Variants in TTC27 observed in about 807,000 individuals in gnomAD.
TTC27 encodes tetratricopeptide repeat domain 27.
TTC27 carries 79 observed loss-of-function variants against 115.9 expected under a neutral mutation model. The ratio of observed to expected loss-of-function variants is 0.68; its 90% CI spans 0.57 to 0.82. The LOEUF is 0.82. TTC27 is among the 40% of genes least tolerant of loss of function. The pLI, the probability that TTC27 is intolerant of heterozygous loss-of-function variation, is 0.00. For synonymous variants in TTC27, 401 were observed against 356.0 expected, an observed-to-expected ratio of 1.13 and a Z score of -1.42; for missense variants, 1,054 against 993.1, an observed-to-expected ratio of 1.06 and a Z score of -0.82.
intron 12 of TTC27, among the ~76,000 whole-genome samples, chr2:32,751,396 G>A (rs1669010567): frequency 6.6e-6 from 1 of 152,108 alleles, no homozygotes; most frequent in Non-Finnish European, 1.5e-5. Flanking sequence ...TTAATGAGAA[G>A]AGTATGTACG....
At chr2:32,628,657 A>G (rs1201005475) in intron 1 of TTC27, among the ~76,000 whole-genome samples, 1 of 152,172 alleles carries the variant, frequency 6.6e-6, no homozygotes, top group Admixed American at 6.5e-5. Context: ...CTTATAGTAG[A>G]TACTTAAGGT....
At chr2:32,753,946 A>G (rs892262536) in intron 12 of TTC27, among the ~76,000 whole-genome samples, 1 of 151,780 alleles carries the variant, frequency 6.6e-6, no homozygotes, top group Admixed American at 6.6e-5. Flanking sequence ...ATGGTGGTAC[A>G]TGCCTGTAAT....
chr2:32,775,189 T>C (rs1669951772), intron 13 of TTC27, among the ~76,000 whole-genome samples: 1 of 152,184 alleles, frequency 6.6e-6, no homozygotes, highest in Middle Eastern at 3.2e-3. Context: ...TGAATTTACA[T>C]GTGTTTTTGT....
Position 32,762,886 on chromosome 2 carries a change from C to T in TTC27, c.1680+4367C>T, listed in dbSNP as rs1055595932. ...TGAACTCCTGACCTTGTGATCCGCCCGCCTCGGTCTCCCAAAGTGCTGGGA... is the reference window on the plus strand; with the variant it reads ...TGAACTCCTGACCTTGTGATCCGCCTGCCTCGGTCTCCCAAAGTGCTGGGA... On this transcript the variant is annotated intron_variant, in intron 13 of 19. Coordinates refer to ENST00000317907, the MANE Select transcript of TTC27 (RefSeq NM_017735.5). Among the ~76,000 whole-genome samples the T allele has an allele frequency of 4.6e-5, 7 of 152,218 alleles. No homozygotes were observed. The South Asian group carries it at 6.2e-4, about 14-fold the overall frequency.
At chr2:32,713,264 T>G (rs1243366596) in intron 10 of TTC27, among the ~76,000 whole-genome samples, 2 of 152,196 alleles carry the variant, frequency 1.3e-5, no homozygotes, top group African/African-American at 4.8e-5. Context: ...AAACATTTTA[T>G]AATCCAAATG....
At chr2:32,728,134 G>A (rs756142997) in intron 10 of TTC27, among the ~76,000 whole-genome samples, 1 of 147,942 alleles carries the variant, frequency 6.8e-6, no homozygotes, top group African/African-American at 2.5e-5. Context: ...TCCACCTCCC[G>A]GGTTCACACC....
chr2:32,702,665 G>T (rs1667227614), intron 9 of TTC27, 142 bp from the exon 10 acceptor site: 1 of 599,630 alleles, frequency 1.7e-6, no homozygotes, highest in Non-Finnish European at 3.0e-6. Flanking sequence ...GAGAAAAAGA[G>T]AACTTTTTGT....
intron 16 of TTC27, among the ~76,000 whole-genome samples, chr2:32,795,725 G>GTATTATTATTAT (rs3081615): frequency 0.062 from 8,554 of 138,618 alleles, 318 homozygotes; most frequent in Middle Eastern, 0.12. Flanking sequence ...GCTAATTTTT[G>GTATTATTATTAT]TATTATTATT....
chr2:32,783,444 A>G (rs566554513), intron 15 of TTC27, among the ~76,000 whole-genome samples: 2 of 152,360 alleles, frequency 1.3e-5, no homozygotes, highest in African/African-American at 2.4e-5. Flanking sequence ...TCCAGCTATG[A>G]TGTGAAATAT....
At position 32,754,816 on chromosome 2, in the gene TTC27, CG is replaced by C. The variant is rs565561572; in HGVS notation, c.1453-3469del. On this transcript the variant is annotated intron_variant, in intron 12 of 19. Coordinates refer to ENST00000317907, the MANE Select transcript of TTC27 (RefSeq NM_017735.5). Reference sequence around the variant, plus strand: ...CTCCCGGACGGGGCGGCTGGCTGGGCGGGGGGGCTGACCCCCCCCACCTCCC... The same window carrying C: ...CTCCCGGACGGGGCGGCTGGCTGGGCGGGGGGCTGACCCCCCCCACCTCCC... Among the ~76,000 whole-genome samples, 248 of 104,714 alleles carry C rather than the reference CG, an allele frequency of 2.4e-3. 4 individuals carry two copies. Among genetic ancestry groups the C allele is most frequent in the African/African-American group, 6.5e-3 (179 of 27,748 alleles). 68.7% of individuals were successfully genotyped at this position (104,714 alleles called of 152,430 possible). A position where few individuals can be genotyped will look rare whatever the true frequency, so the allele number is the denominator to read the frequency against.
intron 4 of TTC27, among the ~76,000 whole-genome samples, chr2:32,649,796 G>A (rs372111672): frequency 1.3e-5 from 2 of 151,934 alleles, no homozygotes; most frequent in East Asian, 1.9e-4. Context: ...TGCCCGCCTC[G>A]GCCTCCCAAA....
chr2:32,766,596 C>T, intron 13 of TTC27: 1 of 201,448 alleles, frequency 5.0e-6, no homozygotes, highest in Non-Finnish European at 1.1e-5. Flanking sequence ...TGCCCCCAAA[C>T]AATTGCAATA....
At chr2:32,666,954 A>T (rs1665800912) in intron 7 of TTC27, among the ~76,000 whole-genome samples, 186 bp downstream of exon 7, 1 of 111,370 alleles carries the variant, frequency 9.0e-6, no homozygotes, top group Admixed American at 8.8e-5. Flanking sequence ...CTAACCTGTG[A>T]TAGAAAAAAC....
Position 32,635,076 on chromosome 2 carries a change from T to C in TTC27, c.396+1071T>C, listed in dbSNP as rs964973202. ...CTGGCACAGCATTGCTTCATGGTGATTATTATCCATTGTGAAGATAATATT... is the reference window on the plus strand; with the variant it reads ...CTGGCACAGCATTGCTTCATGGTGACTATTATCCATTGTGAAGATAATATT... On this transcript the variant is annotated intron_variant, in intron 3 of 19. Coordinates refer to ENST00000317907, the MANE Select transcript of TTC27 (RefSeq NM_017735.5). Among the ~76,000 whole-genome samples the C allele has an allele frequency of 4.6e-5, 7 of 152,288 alleles. No individual in the cohort carries two copies. In the East Asian group the frequency reaches 1.4e-3, roughly 29 times the overall value.
intron 4 of TTC27, among the ~76,000 whole-genome samples, chr2:32,640,994 AAAC>A (rs994331105): frequency 1.1e-4 from 16 of 152,054 alleles, no homozygotes; most frequent in East Asian, 1.9e-4. Flanking sequence ...AAACAAAACA[AAAC>A]AACAACAACA....
chr2:32,787,344 A>G (rs1670383738), intron 16 of TTC27, among the ~76,000 whole-genome samples, 195 bp downstream of exon 16: 1 of 152,216 alleles, frequency 6.6e-6, no homozygotes, highest in Non-Finnish European at 1.5e-5. Flanking sequence ...ATTTGTTTGT[A>G]CAGTCATAAA....
chr2:32,692,774 C>A (rs1255431987), intron 9 of TTC27, among the ~76,000 whole-genome samples: 1 of 151,966 alleles, frequency 6.6e-6, no homozygotes, highest in Non-Finnish European at 1.5e-5. Context: ...GAATTCAAGA[C>A]CAGCCTGGCC....
chr2:32,708,304 G>GGTT (rs1667450037), intron 10 of TTC27, among the ~76,000 whole-genome samples: 1 of 61,348 alleles, frequency 1.6e-5, no homozygotes, highest in Non-Finnish European at 3.1e-5. Context: ...TCTCTACCTT[G>GGTT]TTTTTTTTTT....
chr2:32,774,989 T>A (rs1309846916), intron 13 of TTC27, among the ~76,000 whole-genome samples: 1 of 152,228 alleles, frequency 6.6e-6, no homozygotes, highest in Non-Finnish European at 1.5e-5. Flanking sequence ...ATCTGTCTGA[T>A]TTTCATTAAA....
Sources: allele counts gnomAD v4.1 joint callset (sites outside exome capture counted in the v4.1 genomes callset), GRCh38; gene constraint gnomAD v4.1.1; transcripts MANE v1.5; gene names NCBI Gene and HGNC (gene_info 2026-07-23, HGNC 2026-07-21).